LARS2: variants seen among roughly 807,000 people sequenced by gnomAD.
The protein encoded by LARS2 is leucyl-tRNA synthetase 2, mitochondrial.
LARS2 carries 81 observed loss-of-function variants against 116.6 expected under a neutral mutation model. The observed-to-expected ratio is 0.69, with a 90% CI of 0.58 to 0.84. LARS2 has a LOEUF of 0.84. Ranked by LOEUF, LARS2 falls within the 40% of genes least tolerant of loss-of-function variation. The probability of loss-of-function intolerance (pLI) is 0.00; values close to 1 mark genes in which losing one functional copy is unlikely to be tolerated. For synonymous variants in LARS2, 396 were observed against 407.2 expected, an observed-to-expected ratio of 0.97 and a Z score of 0.33; for missense variants, 968 against 1,114.5, an observed-to-expected ratio of 0.87 and a Z score of 1.87.
chr3:45,500,584 G>GCA lies in LARS2; in HGVS notation c.1760+7_1760+8dup. 1.3e-6 allele frequency: 2 copies of GCA among 1,548,866 alleles called. No homozygotes were observed. The highest frequency in any genetic ancestry group is 1.7e-6 in the Non-Finnish European group (2 of 1,155,320). Reference sequence around the variant, plus strand: ...TCAAAAAATGGTTAAACATAGGTAAGCACTTATACTGCTTTGCAAAATAAT... The same window carrying GCA: ...TCAAAAAATGGTTAAACATAGGTAAGCACACTTATACTGCTTTGCAAAATAAT... On this transcript the variant is annotated splice_donor_region_variant and intron_variant, in intron 15 of 21. Transcript: ENST00000645846.
At chr3:45,513,301 C>A in intron 16 of LARS2, 66 bp downstream of exon 16, 1 of 1,064,972 alleles carries the variant, frequency 9.4e-7, no homozygotes, top group Non-Finnish European at 1.5e-6. Context: ...CTGAGAGCTA[C>A]TGAGCAAGCA....
At chr3:45,475,800 G>T (rs1424013755) in intron 9 of LARS2, among the ~76,000 whole-genome samples, 3 of 152,194 alleles carry the variant, frequency 2.0e-5, no homozygotes, top group Non-Finnish European at 4.4e-5. Context: ...AGGCCAAGTG[G>T]TAGACTGTCT....
chr3:45,395,681 CT>C (rs1575226673), intron 3 of LARS2, among the ~76,000 whole-genome samples: 2 of 152,212 alleles, frequency 1.3e-5, no homozygotes, highest in Non-Finnish European at 2.9e-5. Flanking sequence ...CTAGACTTGC[CT>C]TTTCCCCATC....
Position 45,468,098 on chromosome 3 carries a change from C to CA in LARS2, c.751-6134dup, listed in dbSNP as rs746190961. Among the ~76,000 whole-genome samples, 526 of 140,074 alleles carry CA rather than the reference C, an allele frequency of 3.8e-3. 1 individual carries two copies. The highest frequency in any genetic ancestry group is 0.012 in the African/African-American group (447 of 37,760). 91.9% of individuals were successfully genotyped at this position (140,074 alleles called of 152,430 possible). A position where few individuals can be genotyped will look rare whatever the true frequency, so the allele number is the denominator to read the frequency against. On this transcript the variant is annotated intron_variant, in intron 8 of 21. Coordinates refer to ENST00000645846, the MANE Select transcript of LARS2 (RefSeq NM_015340.4). ...TGGGCGACAGAGTGAGACACTGTCT[C>CA]AAAAAAAAAAAGATTATTATCATTT...
intron 6 of LARS2, among the ~76,000 whole-genome samples, chr3:45,432,065 CAAAG>C (rs921067863): frequency 1.3e-5 from 2 of 151,946 alleles, no homozygotes; most frequent in African/African-American, 2.4e-5. Flanking sequence ...TTACAAAAGA[CAAAG>C]AAGAGCATTA....
intron 7 of LARS2, among the ~76,000 whole-genome samples, chr3:45,451,410 C>T (rs1164156882): frequency 2.0e-5 from 3 of 151,868 alleles, no homozygotes; most frequent in Non-Finnish European, 2.9e-5. Flanking sequence ...TAGTTTCATT[C>T]CTCTGTATAT....
chr3:45,535,212 G>A (rs770948451), intron 20 of LARS2, among the ~76,000 whole-genome samples: 19 of 152,238 alleles, frequency 1.2e-4, no homozygotes, highest in South Asian at 6.2e-4. Flanking sequence ...TTAGCCAGGC[G>A]TGGTGGCACA....
At chr3:45,532,024 G>A (rs1193687454) in intron 20 of LARS2, among the ~76,000 whole-genome samples, 1 of 152,066 alleles carries the variant, frequency 6.6e-6, no homozygotes, top group Non-Finnish European at 1.5e-5. Flanking sequence ...AATCCTCTTA[G>A]ATTTTCTAGG....
intron 8 of LARS2, among the ~76,000 whole-genome samples, chr3:45,468,356 C>T (rs1217238197): frequency 6.6e-6 from 1 of 152,172 alleles, no homozygotes; most frequent in Non-Finnish European, 1.5e-5. Context: ...GCCCTCAAGA[C>T]TCCCCTTTCC....
chr3:45,497,352 A>C (rs1406131236), intron 14 of LARS2, among the ~76,000 whole-genome samples: 1 of 152,154 alleles, frequency 6.6e-6, no homozygotes, highest in Non-Finnish European at 1.5e-5. Context: ...AGCCTTATAA[A>C]GAGAGAGAAT....
In LARS2 at chr3:45,439,210, CTTTTTTTTTTT is replaced by C. The variant is rs575140221; in HGVS notation, c.517-7662_517-7652del. Among the ~76,000 whole-genome samples the C allele has an allele frequency of 1.2e-3, 78 of 62,452 alleles. No individual in the cohort carries two copies. In the East Asian group the frequency reaches 0.021, roughly 17 times the overall value. The allele number at this position is 62,452 out of a possible 152,430, so 41.0% of individuals were successfully genotyped here. On this transcript the variant is annotated intron_variant, in intron 6 of 21. Coordinates refer to ENST00000645846, the MANE Select transcript of LARS2 (RefSeq NM_015340.4). ...AGAAATGAGCTGTCAGAAACTCTGGCTTTTTTTTTTTTTTTTTTTTTTTTTTTTTGAGACAG... is the reference window on the plus strand; with the variant it reads ...AGAAATGAGCTGTCAGAAACTCTGGCTTTTTTTTTTTTTTTTTTGAGACAG...
chr3:45,415,893 G>GGAGAGAGA (rs71095034), intron 4 of LARS2, among the ~76,000 whole-genome samples: 12 of 69,824 alleles, frequency 1.7e-4, no homozygotes, highest in African/African-American at 9.5e-4. Flanking sequence ...AGAGAGAGAG[G>GGAGAGAGA]GAGAGAGAGA....
chr3:45,536,020 A>C (rs1028129717), intron 20 of LARS2, among the ~76,000 whole-genome samples: 3 of 152,220 alleles, frequency 2.0e-5, no homozygotes, highest in African/African-American at 7.2e-5. Flanking sequence ...TAAACTCATA[A>C]GTCTTGAGTG....
At chr3:45,510,131 G>T (rs1212000788) in intron 15 of LARS2, among the ~76,000 whole-genome samples, 1 of 152,034 alleles carries the variant, frequency 6.6e-6, no homozygotes, top group Non-Finnish European at 1.5e-5. Context: ...GGATTTTCAA[G>T]GCCAGGAGCA....
Position 45,547,234 on chromosome 3 carries a change from A to G in LARS2, c.2533-117A>G, listed in dbSNP as rs879555514. On this transcript the variant is annotated intron_variant, in intron 21 of 21. Coordinates refer to ENST00000645846, the MANE Select transcript of LARS2 (RefSeq NM_015340.4). ...CTGACTTCCTCCTTTCTCCACCTCT[A>G]TTCCTTTCCCCTAAACAAATGCAGC... 17 of 915,434 alleles carry G rather than the reference A, an allele frequency of 1.9e-5. No homozygotes were observed. The Admixed American group carries it at 4.2e-4, about 23-fold the overall frequency. The allele number at this position is 915,434 out of a possible 1,614,324, so 56.7% of individuals were successfully genotyped here.
Position 45,547,817 on chromosome 3 carries a change from C to T in LARS2, c.*287C>T. ...GCAGGTAGAGGAGGCCATCTGATCC[C>T]ATGGGAAGCCATCAGAGACACTGCT... On this transcript the variant is annotated 3_prime_UTR_variant, in exon 22 of 22. Transcript: ENST00000645846. 3.3e-6 allele frequency: 1 copy of T among 300,134 alleles called. No individual in the cohort carries two copies. Among genetic ancestry groups the T allele is most frequent in the Non-Finnish European group, 6.1e-6 (1 of 162,648 alleles). The allele number at this position is 300,134 out of a possible 1,614,324, so 18.6% of individuals were successfully genotyped here. A position where few individuals can be genotyped will look rare whatever the true frequency, so the allele number is the denominator to read the frequency against.
At chr3:45,488,065 G>C (rs1414671021) in intron 11 of LARS2, among the ~76,000 whole-genome samples, 1 of 152,014 alleles carries the variant, frequency 6.6e-6, no homozygotes, top group African/African-American at 2.4e-5. Context: ...TCAAGAAAGA[G>C]GCTTCCACAA....
At chr3:45,401,079 G>A (rs1351617762) in intron 4 of LARS2, among the ~76,000 whole-genome samples, 1 of 152,148 alleles carries the variant, frequency 6.6e-6, no homozygotes, top group Non-Finnish European at 1.5e-5. Flanking sequence ...CCAAAGTGCT[G>A]TGATTACAGG....
rs1427898187 is a variant in LARS2, at chr3:45,413,351, G to A, written c.364-4131G>A. 2.6e-5 allele frequency among the ~76,000 whole-genome samples: 4 copies of A among 152,370 alleles called. No individual in the cohort carries two copies. The East Asian group carries it at 7.7e-4, about 29-fold the overall frequency. On this transcript the variant is annotated intron_variant, in intron 4 of 21. Transcript: ENST00000645846. ...ATGCTAAAGATCAAGAAAGCAGACA[G>A]CTGCAGCGGCCACAGCAGCAAGTGC...
Sources: gnomAD v4.1 joint callset for allele counts (sites outside exome capture counted in the v4.1 genomes callset) on GRCh38, gnomAD v4.1.1 for gene constraint, MANE v1.5 for transcripts, NCBI Gene and HGNC (gene_info 2026-07-23, HGNC 2026-07-21) for gene names.